The following ANKFY1 variants were observed in gnomAD, a reference collection of about 807,000 sequenced individuals.
ANKFY1 encodes the protein ankyrin repeat and FYVE domain-containing protein 1.
Under a neutral mutation model 128.3 loss-of-function variants are expected in ANKFY1, and 47 were observed. The observed-to-expected ratio is 0.37, with a 90% CI of 0.29 to 0.47. ANKFY1 has a LOEUF of 0.47. Ranked by LOEUF, ANKFY1 falls within the 20% of genes least tolerant of loss-of-function variation. The pLI is 1.00. For missense variants in ANKFY1, 1,222 were observed against 1,510.6 expected (o/e 0.81, Z 3.17); for synonymous variants, 553 against 601.6 (o/e 0.92, Z 1.18).
At chr17:4,230,177 T>C (rs2060491406) in intron 3 of ANKFY1, among the ~76,000 whole-genome samples, 1 of 152,206 alleles carries the variant, frequency 6.6e-6, no homozygotes, top group Admixed American at 6.5e-5. Flanking sequence ...TGGGAAACTA[T>C]GCCCTTTCCA....
At chr17:4,168,795 T>G (rs2059260828) in intron 24 of ANKFY1, 1 of 164,404 alleles carries the variant, frequency 6.1e-6, no homozygotes, top group Non-Finnish European at 1.3e-5. Flanking sequence ...ATTACAGGCA[T>G]GAGCCACCGC....
intron 1 of ANKFY1, among the ~76,000 whole-genome samples, chr17:4,251,309 G>A (rs1237665789): frequency 7.9e-5 from 12 of 152,040 alleles, no homozygotes; most frequent in Admixed American, 6.6e-5. Flanking sequence ...CCCTTCTAGA[G>A]TCAGATGAAG....
intron 23 of ANKFY1, among the ~76,000 whole-genome samples, chr17:4,170,362 G>A (rs545091209): frequency 6.6e-6 from 1 of 152,178 alleles, no homozygotes; most frequent in African/African-American, 2.4e-5. Flanking sequence ...GGAGCAGCAG[G>A]CCATTTTGAA....
chr17:4,184,393 G>A (rs140596428), intron 12 of ANKFY1, among the ~76,000 whole-genome samples: 109 of 152,326 alleles, frequency 7.2e-4, no homozygotes, highest in African/African-American at 2.3e-3. Flanking sequence ...AAGAGAAGGC[G>A]TGAGGGAGAC....
At chr17:4,223,368 T>C (rs1043394656) in intron 3 of ANKFY1, 27 of 1,589,158 alleles carry the variant, frequency 1.7e-5, no homozygotes, top group Non-Finnish European at 1.9e-5. Context: ...GCTATTCAGA[T>C]TGCCTGTGGA....
chr17:4,245,819 C>T (rs1273576409), intron 1 of ANKFY1, among the ~76,000 whole-genome samples: 3 of 150,550 alleles, frequency 2.0e-5, no homozygotes, highest in South Asian at 2.1e-4. Context: ...GAGGCTGAGG[C>T]GGGCAGATCA....
chr17:4,168,643 T>C (rs1331133508), intron 24 of ANKFY1, among the ~76,000 whole-genome samples: 2 of 151,932 alleles, frequency 1.3e-5, no homozygotes, highest in African/African-American at 4.8e-5. Flanking sequence ...AATTTTTGTA[T>C]TTTTAGTAAA....
At chr17:4,184,788 A>G (rs1353404174) in intron 12 of ANKFY1, 30 bp downstream of exon 12, 8 of 1,600,318 alleles carry the variant, frequency 5.0e-6, no homozygotes, top group Non-Finnish European at 6.8e-6. Context: ...CCCCAAGTCA[A>G]AAGGATGGAC....
Position 4,174,498 on chromosome 17 carries a change from G to A in ANKFY1, c.2776-442C>T, listed in dbSNP as rs2059378900. Among the ~76,000 whole-genome samples the A allele has an allele frequency of 3.9e-5, 6 of 152,236 alleles. No individual in the cohort carries two copies. The South Asian group carries it at 1.2e-3, about 32-fold the overall frequency. ...TAACATGGAAAGATGTTGATGACAA[G>A]TAAGTTTAAAAAACCTTGCAAATTA... On this transcript the variant is annotated intron_variant, in intron 19 of 24. Coordinates refer to ENST00000341657, the MANE Select transcript of ANKFY1 (RefSeq NM_001330063.2).
In ANKFY1 at chr17:4,225,135, C is replaced by T. The variant is rs570531012; in HGVS notation, c.323-8017G>A. Among the ~76,000 whole-genome samples the T allele has an allele frequency of 2.0e-5, 3 of 152,096 alleles. No homozygotes were observed. In the South Asian group the frequency reaches 6.2e-4, roughly 32 times the overall value. ...CTCTGGGAGGCCGAGGCAGGCGGAT[C>T]ACTTGAGGTCAGGAGTTTGAAACCA... On this transcript the variant is annotated intron_variant, in intron 3 of 24. Coordinates refer to ENST00000341657, the MANE Select transcript of ANKFY1 (RefSeq NM_001330063.2).
chr17:4,177,123 TA>T lies in ANKFY1; in HGVS notation c.2775+2del. ...TTACATGCAATACTTCTGTGTCACT[TA>T]CCAAATTGCGGACAATAATTTCTGA... On this transcript the variant is annotated splice_donor_variant, in intron 19 of 24. Transcript: ENST00000341657. LOFTEE classifies it high-confidence loss of function. 6.3e-7 allele frequency: 1 copy of T among 1,580,742 alleles called. No individual in the cohort carries two copies. Among genetic ancestry groups the T allele is most frequent in the Non-Finnish European group, 8.6e-7 (1 of 1,163,138 alleles).
At chr17:4,182,094 C>A in intron 15 of ANKFY1, 87 bp downstream of exon 15, 1 of 1,283,382 alleles carries the variant, frequency 7.8e-7, no homozygotes, top group South Asian at 2.7e-5. Flanking sequence ...AGATCTTGCT[C>A]CTGTGACAGC....
chr17:4,198,033 G>A (rs2059858974), intron 7 of ANKFY1, among the ~76,000 whole-genome samples: 1 of 151,920 alleles, frequency 6.6e-6, no homozygotes, highest in Admixed American at 6.6e-5. Flanking sequence ...GGAGGCTGAG[G>A]CACGAGATTC....
rs9303184 is a variant in ANKFY1 at position 4,211,918 on chromosome 17, AC to A, written c.459-1972del. Among the ~76,000 whole-genome samples the A allele has an allele frequency of 8.6e-3, 253 of 29,322 alleles. No individual in the cohort carries two copies. The East Asian group carries it at 0.13, about 15-fold the overall frequency. 19.2% of individuals were successfully genotyped at this position (29,322 alleles called of 152,430 possible). A position where few individuals can be genotyped will look rare whatever the true frequency, so the allele number is the denominator to read the frequency against. On this transcript the variant is annotated intron_variant, in intron 4 of 24. Transcript: ENST00000341657. Reference sequence around the variant, plus strand: ...AAACAAAACAAAAACAAACAAACAAACAAACAAAAAACATCAACTACATCAG... The same window carrying A: ...AAACAAAACAAAAACAAACAAACAAAAAACAAAAAACATCAACTACATCAG...
At chr17:4,186,857 GC>G (rs1232150417) in intron 11 of ANKFY1, 1 of 1,015,154 alleles carries the variant, frequency 9.9e-7, no homozygotes, top group Non-Finnish European at 1.2e-6. Context: ...CCCCATTCTT[GC>G]ATCTAATTTT....
chr17:4,234,007 T>G (rs2060559888), intron 3 of ANKFY1, among the ~76,000 whole-genome samples: 1 of 152,244 alleles, frequency 6.6e-6, no homozygotes, highest in Non-Finnish European at 1.5e-5. Context: ...ATTGTACTTT[T>G]ACTGAACTTT....
rs1033188961 is a variant in ANKFY1, at chr17:4,178,580, G to A, written c.2598+277C>T. 13 of 483,110 alleles carry A rather than the reference G, an allele frequency of 2.7e-5. No homozygotes were observed. The highest frequency in any genetic ancestry group is 5.8e-5 in the African/African-American group (3 of 51,562). The allele number at this position is 483,110 out of a possible 1,614,324, so 29.9% of individuals were successfully genotyped here. ...AACCAACCTAGCAAAAGCAAAGAAT[G>A]AGCTCAACTGTACATGCCACAGAAT... On this transcript the variant is annotated intron_variant, in intron 18 of 24. Transcript: ENST00000341657. This position sits in a 1 kb window ranked among gnomAD's most constrained non-coding sequence, Gnocchi z 4.1.
chr17:4,203,018 A>C (rs1012319039), intron 7 of ANKFY1, among the ~76,000 whole-genome samples: 1 of 150,968 alleles, frequency 6.6e-6, no homozygotes, highest in Non-Finnish European at 1.5e-5. Flanking sequence ...CACACAAAGA[A>C]GCTATTTAGA....
At chr17:4,195,268 T>C (rs1268669719) in intron 9 of ANKFY1, 91 bp from the exon 10 acceptor site, 1 of 1,396,800 alleles carries the variant, frequency 7.2e-7, no homozygotes, top group Non-Finnish European at 9.6e-7. Context: ...TTACCCTTTT[T>C]CAATGACACA....
Sources: gnomAD v4.1 joint callset for allele counts (sites outside exome capture counted in the v4.1 genomes callset) on GRCh38, gnomAD v4.1.1 for gene constraint, Gnocchi (gnomAD v3.1) non-coding constraint, MANE v1.5 for transcripts, NCBI Gene and HGNC (gene_info 2026-07-23, HGNC 2026-07-21) for gene names.